The following IDH2 variants were observed in gnomAD, a reference collection of about 807,000 sequenced individuals.
The protein encoded by IDH2 is isocitrate dehydrogenase (NADP(+)) 2.
In IDH2, 18 loss-of-function variants were observed where a neutral mutation model predicts 50.5. That is an observed-to-expected ratio of 0.36 (90% CI 0.25 to 0.53). The LOEUF (loss-of-function observed/expected upper bound fraction) is 0.53. Ranked by LOEUF, IDH2 falls within the 20% of genes least tolerant of loss-of-function variation. The probability of loss-of-function intolerance (pLI) is 0.92; values close to 1 mark genes in which losing one functional copy is unlikely to be tolerated. For missense variants in IDH2, 518 were observed against 610.7 expected, an observed-to-expected ratio of 0.85 and a Z score of 1.60; for synonymous variants, 280 against 239.8, an observed-to-expected ratio of 1.17 and a Z score of -1.55.
intron 1 of IDH2, among the ~76,000 whole-genome samples, chr15:90,094,625 G>A (rs1901132262): frequency 6.6e-6 from 1 of 152,214 alleles, no homozygotes; most frequent in African/African-American, 2.4e-5. Context: ...CTGGGTTGGG[G>A]CTGGGTGTAA....
rs2151549580 is a variant in IDH2 at position 90,088,621 on chromosome 15, G to A, written c.500C>T (p.Pro167Leu). The change falls in exon 4 of 11, where the codon CCC (proline) becomes CTC (leucine). Residue 167 changes from proline (P) to leucine (L), a missense_variant. Physicochemically the swap from Pro to Leu is moderately conservative, Grantham distance 98 (BLOSUM62 -3). This residue lies in a region of IDH2 where 207 missense variants were observed against 208.6 expected (regional missense o/e 0.99). Coordinates refer to ENST00000330062, the MANE Select transcript of IDH2 (RefSeq NM_002168.4). ...ATGGGCGTGCCTGCCAATGGTGATG[G>A]GCTTGGTCCAGCCAGGGACTAGGCG... ...IPRLVPGWTK[P>L]ITIGRHAHGD... 1 of 1,614,212 alleles carries A rather than the reference G, an allele frequency of 6.2e-7. No homozygotes were observed. Among genetic ancestry groups the A allele is most frequent in the Non-Finnish European group, 8.5e-7 (1 of 1,180,044 alleles).
chr15:90,090,388 GAC>G, intron 3 of IDH2, 89 bp downstream of exon 3: 3 of 1,405,170 alleles, frequency 2.1e-6, no homozygotes, highest in Non-Finnish European at 3.0e-6. Context: ...CGAGATGAGT[GAC>G]ATGGCCAACT....
rs115681756 is a variant in IDH2 at position 90,087,938 on chromosome 15, G to C, written c.679-363C>G. Among the ~76,000 whole-genome samples, 601 of 151,372 alleles carry C rather than the reference G, an allele frequency of 4.0e-3. 9 individuals are homozygous for C. The highest frequency in any genetic ancestry group is 0.014 in the African/African-American group (576 of 41,176). On this transcript the variant is annotated intron_variant, in intron 5 of 10. Transcript: ENST00000330062. ...GTGTCCCTGGCTTATCCAATCAGAA[G>C]CCTTTCTCCCCAGGGCCTCTGTGAT...
chr15:90,086,513 C>T (rs1329065302), intron 7 of IDH2, among the ~76,000 whole-genome samples: 1 of 152,114 alleles, frequency 6.6e-6, no homozygotes, highest in Non-Finnish European at 1.5e-5. Flanking sequence ...CCTGCCTCAG[C>T]CTCTCAAGTA....
At chr15:90,094,054 C>T (rs1322067374) in intron 1 of IDH2, among the ~76,000 whole-genome samples, 1 of 152,162 alleles carries the variant, frequency 6.6e-6, no homozygotes, top group East Asian at 1.9e-4. Flanking sequence ...GCTTACAGCA[C>T]CTGCGAATGG....
intron 1 of IDH2, among the ~76,000 whole-genome samples, chr15:90,095,068 GTTT>G: frequency 6.7e-6 from 1 of 148,422 alleles, no homozygotes; most frequent in East Asian, 2.0e-4. Context: ...CAAAGAGTTT[GTTT>G]TTTTTTTTTA....
chr15:90,088,178 T>C (rs1470103695), intron 5 of IDH2, among the ~76,000 whole-genome samples, 181 bp downstream of exon 5: 1 of 152,152 alleles, frequency 6.6e-6, no homozygotes, highest in African/African-American at 2.4e-5. Context: ...CAAGCAATCC[T>C]GCCTTGGCCT....
chr15:90,094,993 G>T (rs1367892376), intron 1 of IDH2, among the ~76,000 whole-genome samples: 1 of 152,018 alleles, frequency 6.6e-6, no homozygotes, highest in East Asian at 1.9e-4. Context: ...AACCACCTCG[G>T]CACATTTAAA....
Position 90,084,114 on chromosome 15 carries a change from C to A in IDH2, c.*152G>T. ...CCTCACGTCACCATGAGGGGAAACA[C>A]ACATATGCTTTTAAAAACATCTGGC... On this transcript the variant is annotated 3_prime_UTR_variant, in exon 11 of 11. Coordinates refer to ENST00000330062, the MANE Select transcript of IDH2 (RefSeq NM_002168.4). The surrounding 1 kb of genome is among the most constrained non-coding windows in gnomAD (Gnocchi z 5.0). 1.5e-6 allele frequency: 1 copy of A among 656,838 alleles called. No individual in the cohort carries two copies. Among genetic ancestry groups the A allele is most frequent in the African/African-American group, 1.8e-5 (1 of 55,972 alleles). The allele number at this position is 656,838 out of a possible 1,614,324, so 40.7% of individuals were successfully genotyped here. A position where few individuals can be genotyped will look rare whatever the true frequency, so the allele number is the denominator to read the frequency against.
rs935288244 is a variant in IDH2 at position 90,100,693 on chromosome 15, C to T, written c.115+1583G>A. ...TCTTTTAGCCCCAAAATATTCTTTC[C>T]TTGTCATCAAGGGGAATGCCAAGTA... On this transcript the variant is annotated intron_variant, in intron 1 of 10. Transcript: ENST00000330062. The surrounding 1 kb of genome is among the most constrained non-coding windows in gnomAD (Gnocchi z 4.1). 2 of 977,092 alleles carry T rather than the reference C, an allele frequency of 2.0e-6. No individual in the cohort carries two copies. Among genetic ancestry groups the T allele is most frequent in the South Asian group, 4.7e-5 (1 of 21,126 alleles). 60.5% of individuals were successfully genotyped at this position (977,092 alleles called of 1,614,324 possible). A position where few individuals can be genotyped will look rare whatever the true frequency, so the allele number is the denominator to read the frequency against.
At chr15:90,097,236 A>C (rs1901205736) in intron 1 of IDH2, among the ~76,000 whole-genome samples, 1 of 152,230 alleles carries the variant, frequency 6.6e-6, no homozygotes, top group Non-Finnish European at 1.5e-5. Context: ...ATTTTAAGAG[A>C]TCACATTCAT....
At chr15:90,087,284 T>C (rs372401515) in intron 6 of IDH2, 21 bp from the exon 7 acceptor site, 11 of 1,613,876 alleles carry the variant, frequency 6.8e-6, no homozygotes, top group African/African-American at 1.3e-5. Context: ...AAAGGTCTGT[T>C]ATGGGGAGAG....
rs1397289880 is a variant in IDH2 at position 90,088,453 on chromosome 15, A to G, written c.584T>C (p.Val195Ala). ...ACCACTGCCATCTTTTGGGGTGAAG[A>G]CCATTTTGAAAGTGCCGGCCCGGTC... The part of the protein sequence containing the change: ...VADRAGTFKM[V>A]FTPKDGSGVK... Residue 195 changes from valine (V) to alanine (A), a missense_variant, in exon 5 of 11, where the codon GTC becomes GCC. Around this residue, in one of 5 missense-constraint regions of IDH2, gnomAD observed 207 missense variants for 208.6 expected, o/e 0.99. Transcript: ENST00000330062. 6.2e-7 allele frequency: 1 copy of G among 1,614,054 alleles called. No individual in the cohort carries two copies. The highest frequency in any genetic ancestry group is 1.3e-5 in the African/African-American group (1 of 74,930).
At position 90,083,861 on chromosome 15, in the gene IDH2, G is replaced by A. The variant is rs924601211; in HGVS notation, c.*405C>T. On this transcript the variant is annotated 3_prime_UTR_variant, in exon 11 of 11. Transcript: ENST00000330062. ...AGGGCTGCCTGGTCCCTTCCCTGCC[G>A]TGGCAGCCCCTTCCTGAGGTGCTCT... 39 of 303,476 alleles carry A rather than the reference G, an allele frequency of 1.3e-4. No homozygotes were observed. The highest frequency in any genetic ancestry group is 7.5e-4 in the South Asian group (15 of 20,106). 18.8% of individuals were successfully genotyped at this position (303,476 alleles called of 1,614,324 possible).
chr15:90,087,398 G>C, intron 6 of IDH2, 41 bp downstream of exon 6: 1 of 1,613,892 alleles, frequency 6.2e-7, no homozygotes, highest in South Asian at 1.1e-5. Context: ...AGCATGGGGG[G>C]AAGGGAAGAA....
rs988101235 is a variant in IDH2 at position 90,084,339 on chromosome 15, T to C, written c.1286A>G (p.Glu429Gly). The C allele has an allele frequency of 1.9e-6, 3 of 1,613,700 alleles. No individual in the cohort carries two copies. The highest frequency in any genetic ancestry group is 2.5e-6 in the Non-Finnish European group (3 of 1,179,908). ...GAAGTCCGTGGTGTTCAGGAAGTGC[T>C]CGTTCAGCTTCACACTGCAGAGAGA... ...IHGLSNVKLNEHFLNTTDFLD... is the reference protein window; with the variant it reads ...IHGLSNVKLNGHFLNTTDFLD... The change falls in exon 11 of 11, where the codon GAG becomes GGG. Residue 429 changes from glutamate to glycine, a missense_variant. Glu to Gly is a moderately conservative substitution (Grantham distance 98). This residue lies in a region of IDH2 where 135 missense variants were observed against 167.6 expected (regional missense o/e 0.81). Transcript: ENST00000330062. This position sits in a 1 kb window ranked among gnomAD's most constrained non-coding sequence, Gnocchi z 5.0.
chr15:90,095,080 T>TA (rs74351435), intron 1 of IDH2, among the ~76,000 whole-genome samples: 2,766 of 151,338 alleles, frequency 0.018, 96 homozygotes, highest in African/African-American at 0.063. Flanking sequence ...TTTTTTTTTT[T>TA]AATCTAAAAA....
rs1901354749 is a variant in IDH2, at chr15:90,102,267, G to C, written c.115+9C>G. The stretch of plus-strand genomic sequence containing the variant: ...GCGCGCCTGCCTGGACCCTCCGCGC[G>C]GCACTCACAGTGGCGCCGCGGCTGC... On this transcript the variant is annotated intron_variant, in intron 1 of 10. Coordinates refer to ENST00000330062, the MANE Select transcript of IDH2 (RefSeq NM_002168.4). The C allele has an allele frequency of 1.6e-6, 2 of 1,215,850 alleles. No homozygotes were observed. Among genetic ancestry groups the C allele is most frequent in the Admixed American group, 3.7e-5 (1 of 27,184 alleles). 75.3% of individuals were successfully genotyped at this position (1,215,850 alleles called of 1,614,324 possible).
intron 1 of IDH2, among the ~76,000 whole-genome samples, chr15:90,094,395 C>A (rs999875502): frequency 2.0e-5 from 3 of 152,206 alleles, no homozygotes; most frequent in African/African-American, 7.2e-5. Flanking sequence ...AAATGCAGAG[C>A]AGGGAACAAG....
Sources: allele counts gnomAD v4.1 joint callset (sites outside exome capture counted in the v4.1 genomes callset), GRCh38; gene constraint gnomAD v4.1.1; regional missense constraint gnomAD v4.1.1; non-coding constraint Gnocchi (gnomAD v3.1); transcripts MANE v1.5; gene names NCBI Gene and HGNC (gene_info 2026-07-23, HGNC 2026-07-21).